Variants in TNXB observed in about 807,000 individuals in gnomAD.
TNXB encodes tenascin XB.
In TNXB, 183 loss-of-function variants were observed where a neutral mutation model predicts 340.5. The ratio of observed to expected loss-of-function variants is 0.54; its 90% confidence interval spans 0.48 to 0.61. TNXB has a LOEUF of 0.61. Ranked by LOEUF, TNXB falls within the 20% of genes least tolerant of loss-of-function variation. The pLI, the probability that TNXB is intolerant of heterozygous loss-of-function variation, is 0.00. For synonymous variants in TNXB, 2,121 were observed against 2,314.5 expected (o/e 0.92, Z 2.40); for missense variants, 4,613 against 5,446.4 (o/e 0.85, Z 4.82).
intron 13 of TNXB, among the ~76,000 whole-genome samples, chr6:32,071,770 G>A (rs999901967): frequency 6.6e-6 from 1 of 152,100 alleles, no homozygotes; most frequent in African/African-American, 2.4e-5. Flanking sequence ...CTTTTTAGTA[G>A]AGACAGGGTT....
Position 32,082,197 on chromosome 6 carries a change from T to C in TNXB, c.3575A>G (p.Gln1192Arg). The C allele has an allele frequency of 6.2e-7, 1 of 1,612,570 alleles. No individual in the cohort carries two copies. The change falls in exon 9 of 44, where the codon CAG (glutamine) becomes CGG (arginine). Residue 1192 changes from glutamine (Q) to arginine (R), a missense_variant. Gln to Arg is a conservative substitution (Grantham distance 43, BLOSUM62 1). Coordinates refer to ENST00000644971, the MANE Select transcript of TNXB (RefSeq NM_001365276.2). This position sits in a 1 kb window ranked among gnomAD's most constrained non-coding sequence, Gnocchi z 5.0. ...PEGQFDTFMV[Q>R]YRDRDGRPQV... ...GGGCCGTCCATCCCTGTCCCTGTAC[T>C]GGACCATGAAGGTGTCAAACTGGCC...
At chr6:32,066,379 G>A (rs1254635521) in intron 18 of TNXB, among the ~76,000 whole-genome samples, 16 of 152,066 alleles carry the variant, frequency 1.1e-4, no homozygotes, top group Non-Finnish European at 2.4e-4. Context: ...GGGCAATAGA[G>A]TGGGAATTTG....
intron 4 of TNXB, chr6:32,093,365 T>G: frequency 1.4e-6 from 1 of 701,260 alleles, no homozygotes; most frequent in Middle Eastern, 2.3e-4. Context: ...GAAGAAAAAA[T>G]TCAAGCTATC....
Position 32,049,912 on chromosome 6 carries a change from C to T in TNXB, c.9439+86G>A. The T allele has an allele frequency of 6.3e-7, 1 of 1,589,618 alleles. No homozygotes were observed. The highest frequency in any genetic ancestry group is 1.1e-5 in the South Asian group (1 of 88,232). ...CAGTTCTGTGGTGCTGACCAGACCC[C>T]TGTCCCATTCCCCACCAGTCATCAC... is the stretch of plus-strand genomic sequence containing the variant. On this transcript the variant is annotated intron_variant, in intron 27 of 43. Transcript: ENST00000644971. This position sits in a 1 kb window ranked among gnomAD's most constrained non-coding sequence, Gnocchi z 4.5.
chr6:32,074,448 G>T lies in TNXB; in HGVS notation c.4376-496C>A, dbSNP rs961072604. 1.3e-5 allele frequency among the ~76,000 whole-genome samples: 2 copies of T among 152,156 alleles called. No homozygotes were observed. Among genetic ancestry groups the T allele is most frequent in the Admixed American group, 6.5e-5 (1 of 15,276 alleles). On this transcript the variant is annotated intron_variant, in intron 11 of 43. Transcript: ENST00000644971. This position sits in a 1 kb window ranked among gnomAD's most constrained non-coding sequence, Gnocchi z 5.5. Reference sequence around the variant, plus strand: ...CGGTGTCTGAGGCTGCATTTGTTGGGGGAGAAGAGTATCAACCATCACTGA... The same window carrying T: ...CGGTGTCTGAGGCTGCATTTGTTGGTGGAGAAGAGTATCAACCATCACTGA...
In TNXB at chr6:32,058,028, T is replaced by TTGCCCCCC; in HGVS notation, c.7825+29_7825+30insGGGGGGCA. On this transcript the variant is annotated intron_variant, in intron 22 of 43. Transcript: ENST00000644971. The surrounding 1 kb of genome is among the most constrained non-coding windows in gnomAD (Gnocchi z 5.1). ...AAGGGCACATTTTCTAGGGCTGTCT[T>TTGCCCCCC]CCAACCCTGCCCCACCCACACTCAC... 1 of 1,577,134 alleles carries TTGCCCCCC rather than the reference T, an allele frequency of 6.3e-7. No homozygotes were observed. Among genetic ancestry groups the TTGCCCCCC allele is most frequent in the Non-Finnish European group, 8.6e-7 (1 of 1,162,948 alleles).
At chr6:32,071,946 G>C in intron 13 of TNXB, 44 bp downstream of exon 13, 1 of 1,504,884 alleles carries the variant, frequency 6.6e-7, no homozygotes, top group Non-Finnish European at 9.0e-7. Flanking sequence ...AGAAGGGTGG[G>C]AAGGCTGTGG....
rs761600175 is a variant in TNXB at position 32,042,693 on chromosome 6, A to C, written c.12058+6T>G. The C allele has an allele frequency of 1.4e-4, 161 of 1,188,146 alleles. No homozygotes were observed. Among genetic ancestry groups the C allele is most frequent in the Admixed American group, 4.0e-4 (19 of 47,070 alleles). The allele number at this position is 1,188,146 out of a possible 1,614,324, so 73.6% of individuals were successfully genotyped here. On this transcript the variant is annotated splice_donor_region_variant and intron_variant, in intron 39 of 43. Transcript: ENST00000644971. ...CCCCCGGCCCCGGGCCCGTGCGTCCAGGTACCCGTGGTGAAAGAGGTGGAC... is the reference window on the plus strand; with the variant it reads ...CCCCCGGCCCCGGGCCCGTGCGTCCCGGTACCCGTGGTGAAAGAGGTGGAC...
intron 18 of TNXB, among the ~76,000 whole-genome samples, 155 bp from the exon 19 acceptor site, chr6:32,065,272 T>C (rs763551954): frequency 1.3e-5 from 2 of 152,206 alleles, no homozygotes; most frequent in Non-Finnish European, 2.9e-5. Context: ...GGCTTCCTTA[T>C]GGTCCCTCAA....
In TNXB at chr6:32,043,591, C is replaced by T. The variant is rs2471811; in HGVS notation, c.11531-35G>A. On this transcript the variant is annotated intron_variant, in intron 35 of 43. Transcript: ENST00000644971. ...GGGGAGGGGCTCAGAAGGGTCCCCG[C>T]GGCTCTCTCTACTCCGTGCCTCCCC... 9,687 of 1,198,016 alleles carry T rather than the reference C, an allele frequency of 8.1e-3. 3 individuals carry two copies. In the South Asian group the frequency reaches 0.087, roughly 11 times the overall value. 74.2% of individuals were successfully genotyped at this position (1,198,016 alleles called of 1,614,324 possible). A position where few individuals can be genotyped will look rare whatever the true frequency, so the allele number is the denominator to read the frequency against.
rs1779379653 is a variant in TNXB at position 32,080,694 on chromosome 6, T to G, written c.4042+674A>C. Among the ~76,000 whole-genome samples, 1 of 152,118 alleles carries G rather than the reference T, an allele frequency of 6.6e-6. No individual in the cohort carries two copies. Among genetic ancestry groups the G allele is most frequent in the Non-Finnish European group, 1.5e-5 (1 of 68,024 alleles). On this transcript the variant is annotated intron_variant, in intron 10 of 43. Coordinates refer to ENST00000644971, the MANE Select transcript of TNXB (RefSeq NM_001365276.2). This position sits in a 1 kb window ranked among gnomAD's most constrained non-coding sequence, Gnocchi z 4.3. ...ACTCGGGCAGTTGGCTCCGGAGTCT[T>G]TGCTCCTAACCACTATCCACACTAT...
intron 1 of TNXB, among the ~76,000 whole-genome samples, chr6:32,102,338 T>G (rs1780760391): frequency 6.6e-6 from 1 of 152,224 alleles, no homozygotes; most frequent in South Asian, 2.1e-4. Context: ...GACCATAATG[T>G]TCATGAGATT....
At position 32,084,143 on chromosome 6, in the gene TNXB, C is replaced by T. The variant is rs1183401884; in HGVS notation, c.3445+270G>A. Among the ~76,000 whole-genome samples the T allele has an allele frequency of 1.3e-5, 2 of 152,184 alleles. No individual in the cohort carries two copies. Among genetic ancestry groups the T allele is most frequent in the Non-Finnish European group, 2.9e-5 (2 of 68,034 alleles). ...CCTGAGACCAGGCCCTTTGGCACCCCCCACATGCCCTGTTCTCCAGCCAGA... is the reference window on the plus strand; with the variant it reads ...CCTGAGACCAGGCCCTTTGGCACCCTCCACATGCCCTGTTCTCCAGCCAGA... On this transcript the variant is annotated intron_variant, in intron 8 of 43. Transcript: ENST00000644971. The surrounding 1 kb of genome is among the most constrained non-coding windows in gnomAD (Gnocchi z 5.5).
intron 4 of TNXB, chr6:32,093,595 T>A: frequency 2.2e-6 from 1 of 463,340 alleles, no homozygotes; most frequent in Non-Finnish European, 3.8e-6. Flanking sequence ...GCTAAGCTGA[T>A]GAAGATGAGG....
At position 32,053,530 on chromosome 6, in the gene TNXB, C is replaced by T. The variant is rs1236935598; in HGVS notation, c.8649G>A (p.Gly2883=). 2 of 1,613,544 alleles carry T rather than the reference C, an allele frequency of 1.2e-6. No homozygotes were observed. Among genetic ancestry groups the T allele is most frequent in the African/African-American group, 2.7e-5 (2 of 74,930 alleles). Residue 2883 remains glycine (G), a synonymous_variant, in exon 25 of 44, where the codon GGG becomes GGA. Coordinates refer to ENST00000644971, the MANE Select transcript of TNXB (RefSeq NM_001365276.2). ...CCGGCACCCGCACCACCTTGGGCTG[C>T]CCATCCCCATTCCTGTACTGGACCA... is the stretch of plus-strand genomic sequence containing the variant. The part of the protein sequence containing the change: ...HFLVQYRNGD[G]QPKVVRVPGH...
At position 32,069,539 on chromosome 6, in the gene TNXB, T is replaced by C. The variant is rs1260528939; in HGVS notation, c.5587+14A>G. 1 of 1,538,478 alleles carries C rather than the reference T, an allele frequency of 6.5e-7. No individual in the cohort carries two copies. The highest frequency in any genetic ancestry group is 8.8e-7 in the Non-Finnish European group (1 of 1,139,610). On this transcript the variant is annotated intron_variant, in intron 15 of 43. Coordinates refer to ENST00000644971, the MANE Select transcript of TNXB (RefSeq NM_001365276.2). This position sits in a 1 kb window ranked among gnomAD's most constrained non-coding sequence, Gnocchi z 6.2. ...GGGAAGGAGGCACAGGTGTTCCAGC[T>C]GCCGCACACTCACCAGTAATGGCGA... is the stretch of plus-strand genomic sequence containing the variant.
Position 32,096,770 on chromosome 6 carries a change from G to T in TNXB, c.1083C>A (p.Pro361=). 6.4e-7 allele frequency: 1 copy of T among 1,556,882 alleles called. No individual in the cohort carries two copies. The stretch of plus-strand genomic sequence containing the variant: ...TGCTGCAGTCCTCGCCTGTGTACCC[G>T]GGCCAGCACACGCAGCGGCCGTCCA... The part of the protein sequence containing the change: ...RCVDGRCVCW[P]GYTGEDCSTR... The change falls in exon 3 of 44, where the codon CCC becomes CCA. Residue 361 remains proline, a synonymous_variant. Transcript: ENST00000644971.
chr6:32,069,970 C>G lies in TNXB; in HGVS notation c.5279-109G>C. The G allele has an allele frequency of 7.2e-7, 1 of 1,384,862 alleles. No homozygotes were observed. The highest frequency in any genetic ancestry group is 9.6e-7 in the Non-Finnish European group (1 of 1,042,512). The allele number at this position is 1,384,862 out of a possible 1,614,324, so 85.8% of individuals were successfully genotyped here. On this transcript the variant is annotated intron_variant, in intron 14 of 43. Transcript: ENST00000644971. This position sits in a 1 kb window ranked among gnomAD's most constrained non-coding sequence, Gnocchi z 6.2. ...AGACAGGGCTTTGCGTGGCTGAGTC[C>G]TGCCGGGCTGTGCTAGGGGCTTGTG...
Position 32,075,035 on chromosome 6 carries a change from C to G in TNXB, c.4376-1083G>C, listed in dbSNP as rs1015790493. Among the ~76,000 whole-genome samples, 1 of 152,222 alleles carries G rather than the reference C, an allele frequency of 6.6e-6. No homozygotes were observed. Among genetic ancestry groups the G allele is most frequent in the Non-Finnish European group, 1.5e-5 (1 of 68,052 alleles). ...AGATCTAAACCGCCAGAGTCATCCC[C>G]GAGTCCTCTCTTAAACTCCACATCC... On this transcript the variant is annotated intron_variant, in intron 11 of 43. Coordinates refer to ENST00000644971, the MANE Select transcript of TNXB (RefSeq NM_001365276.2). The surrounding 1 kb of genome is among the most constrained non-coding windows in gnomAD (Gnocchi z 4.6).
Sources: gnomAD v4.1 joint callset for allele counts (sites outside exome capture counted in the v4.1 genomes callset) on GRCh38, gnomAD v4.1.1 for gene constraint, Gnocchi (gnomAD v3.1) non-coding constraint, MANE v1.5 for transcripts, NCBI Gene and HGNC (gene_info 2026-07-23, HGNC 2026-07-21) for gene names.